The following TCEA3 variants were observed in gnomAD, a reference collection of about 807,000 sequenced individuals.
TCEA3 encodes transcription elongation factor A3.
A neutral mutation model predicts 44.0 loss-of-function variants in TCEA3; 36 were observed. That is an observed-to-expected ratio of 0.82 (90% confidence interval 0.63 to 1.08). The LOEUF is 1.08. Ranked by LOEUF, TCEA3 falls within the 50% of genes least tolerant of loss-of-function variation. TCEA3 has a pLI of 0.00. For missense variants in TCEA3, 392 were observed against 441.2 expected, an observed-to-expected ratio of 0.89 and a Z score of 1.00; for synonymous variants, 162 against 159.7, an observed-to-expected ratio of 1.01 and a Z score of -0.11.
intron 5 of TCEA3, among the ~76,000 whole-genome samples, chr1:23,405,290 T>C (rs1178825676): frequency 6.6e-6 from 1 of 152,082 alleles, no homozygotes; most frequent in Non-Finnish European, 1.5e-5. Flanking sequence ...ACAGTCTGGG[T>C]AGGAGACAAA....
At chr1:23,420,184 C>T (rs189744173) in intron 1 of TCEA3, among the ~76,000 whole-genome samples, 6 of 152,330 alleles carry the variant, frequency 3.9e-5, no homozygotes, top group Middle Eastern at 3.4e-3. Flanking sequence ...CATGTTGTCT[C>T]GTGGATCAGT....
chr1:23,399,144 G>GTATATCTATATATATA (rs1639312032), intron 5 of TCEA3, among the ~76,000 whole-genome samples: 4 of 61,166 alleles, frequency 6.5e-5, no homozygotes, highest in Non-Finnish European at 1.3e-4. Context: ...ATGTATATAT[G>GTATATCTATATATATA]TATATATATA....
In TCEA3 at chr1:23,387,017, G is replaced by A. The variant is rs540317596; in HGVS notation, c.966+256C>T. On this transcript the variant is annotated intron_variant, in intron 9 of 10. Transcript: ENST00000450454. Reference sequence around the variant, plus strand: ...TTATAGGCGTGAGCCACCGCGCCCGGCATTTTTGTATTTTTAGTAGAGATG... The same window carrying A: ...TTATAGGCGTGAGCCACCGCGCCCGACATTTTTGTATTTTTAGTAGAGATG... Among the ~76,000 whole-genome samples, 5 of 152,284 alleles carry A rather than the reference G, an allele frequency of 3.3e-5. No individual in the cohort carries two copies. The South Asian group carries it at 1.0e-3, about 32-fold the overall frequency.
chr1:23,419,750 C>T (rs547245270), intron 1 of TCEA3, among the ~76,000 whole-genome samples: 1 of 152,248 alleles, frequency 6.6e-6, no homozygotes, highest in African/African-American at 2.4e-5. Context: ...GCAGGAAAAT[C>T]GCTTGAGCCC....
chr1:23,394,263 A>G (rs1469585880), intron 7 of TCEA3, among the ~76,000 whole-genome samples: 1 of 152,196 alleles, frequency 6.6e-6, no homozygotes, highest in Admixed American at 6.5e-5. Context: ...ATCAGATCAT[A>G]GCAAGCACTA....
In TCEA3 at chr1:23,394,052, G is replaced by GGCCA. The variant is rs1639145707; in HGVS notation, c.665-23_665-20dup. ...TAGATATGTGACACAGTCAAGGGCC[G>GGCCA]GCCAGCCATTCATGGAGGGGCACAG... On this transcript the variant is annotated intron_variant, in intron 7 of 10. Coordinates refer to ENST00000450454, the MANE Select transcript of TCEA3 (RefSeq NM_003196.3). 1 of 1,613,202 alleles carries GGCCA rather than the reference G, an allele frequency of 6.2e-7. No homozygotes were observed. The highest frequency in any genetic ancestry group is 8.5e-7 in the Non-Finnish European group (1 of 1,179,506).
At chr1:23,385,730 C>G (rs559214233) in intron 9 of TCEA3, among the ~76,000 whole-genome samples, 1 of 152,230 alleles carries the variant, frequency 6.6e-6, no homozygotes, top group Non-Finnish European at 1.5e-5. Flanking sequence ...AGGCCATTCT[C>G]TGGTTTTAAG....
At chr1:23,391,285 G>C (rs776433101) in intron 8 of TCEA3, among the ~76,000 whole-genome samples, 1 of 150,706 alleles carries the variant, frequency 6.6e-6, no homozygotes, top group Non-Finnish European at 1.5e-5. Context: ...GCTAATTTTT[G>C]TATTTTTAGT....
intron 10 of TCEA3, chr1:23,384,096 C>T (rs1268125442): frequency 3.8e-6 from 5 of 1,332,942 alleles, no homozygotes; most frequent in Admixed American, 3.4e-5. Context: ...ACTTGCTCAT[C>T]CTGTGATAAA....
chr1:23,424,338 G>C (rs541570779), intron 1 of TCEA3, among the ~76,000 whole-genome samples: 1 of 152,148 alleles, frequency 6.6e-6, no homozygotes, highest in Non-Finnish European at 1.5e-5. Context: ...GCGCCTCCGG[G>C]ACCCGCACGA....
chr1:23,416,214 C>T (rs1639885203), intron 4 of TCEA3, among the ~76,000 whole-genome samples: 1 of 152,054 alleles, frequency 6.6e-6, no homozygotes, highest in Non-Finnish European at 1.5e-5. Context: ...CCATGTTGGT[C>T]AGGCTGGTCT....
chr1:23,403,756 AAG>A lies in TCEA3; in HGVS notation c.443+4906_443+4907del, dbSNP rs1639463039. ...TTCAACACATCAACTGTGTCTTTAAAAGAGAGGTTTCCAGAGTCCTCCTACCT... is the reference window on the plus strand; with the variant it reads ...TTCAACACATCAACTGTGTCTTTAAAAGAGGTTTCCAGAGTCCTCCTACCT... On this transcript the variant is annotated intron_variant, in intron 5 of 10. Transcript: ENST00000450454. 5 of 251,982 alleles carry A rather than the reference AAG, an allele frequency of 2.0e-5. No homozygotes were observed. The South Asian group carries it at 2.6e-4, about 13-fold the overall frequency. 15.6% of individuals were successfully genotyped at this position (251,982 alleles called of 1,614,324 possible).
chr1:23,393,786 CTG>C (rs906040962), intron 8 of TCEA3, 91 bp downstream of exon 8: 1 of 1,483,564 alleles, frequency 6.7e-7, no homozygotes, highest in Admixed American at 2.2e-5. Context: ...CCCTGGCTCA[CTG>C]CTGATGAGTC....
At chr1:23,405,572 G>T (rs1056860131) in intron 5 of TCEA3, among the ~76,000 whole-genome samples, 16 of 149,276 alleles carry the variant, frequency 1.1e-4, no homozygotes, top group African/African-American at 4.0e-4. Context: ...CTCCAGCCTG[G>T]CAACAGAGCG....
chr1:23,406,869 G>A (rs1331115072), intron 5 of TCEA3, among the ~76,000 whole-genome samples: 2 of 152,236 alleles, frequency 1.3e-5, no homozygotes, highest in Non-Finnish European at 2.9e-5. Context: ...TGATCTGCCC[G>A]CCTCGGCCTC....
chr1:23,419,466 T>A (rs1188320894), intron 1 of TCEA3: 1 of 237,818 alleles, frequency 4.2e-6, no homozygotes, highest in African/African-American at 2.2e-5. Context: ...TTGTTGCTCG[T>A]GTGCCTGTAG....
At position 23,417,888 on chromosome 1, in the gene TCEA3, C is replaced by T; in HGVS notation, c.238+16G>A. On this transcript the variant is annotated intron_variant, in intron 3 of 10. Transcript: ENST00000450454. ...AGGAGAAAAACAGGGCTCAAGACAA[C>T]CTTGTCCTCTCTCACCTAGCAGCCG... 1 of 1,612,880 alleles carries T rather than the reference C, an allele frequency of 6.2e-7. No individual in the cohort carries two copies.
chr1:23,421,965 G>T (rs1229483402), intron 1 of TCEA3, among the ~76,000 whole-genome samples: 1 of 152,132 alleles, frequency 6.6e-6, no homozygotes, highest in Non-Finnish European at 1.5e-5. Flanking sequence ...ATTGTAGCTG[G>T]ATAAACAAAG....
chr1:23,418,468 T>G (rs368822500), intron 2 of TCEA3, among the ~76,000 whole-genome samples: 32 of 152,298 alleles, frequency 2.1e-4, no homozygotes, highest in African/African-American at 7.5e-4. Flanking sequence ...TGCATCATCG[T>G]GCCCAGCTAA....
Sources: allele counts gnomAD v4.1 joint callset (sites outside exome capture counted in the v4.1 genomes callset), GRCh38; gene constraint gnomAD v4.1.1; transcripts MANE v1.5; gene names NCBI Gene and HGNC (gene_info 2026-07-23, HGNC 2026-07-21).